LRRK1: variants seen among roughly 807,000 people sequenced by gnomAD.
The protein encoded by LRRK1 is leucine-rich repeat serine/threonine-protein kinase 1.
A neutral mutation model predicts 209.1 loss-of-function variants in LRRK1; 113 were observed. That is an observed-to-expected ratio of 0.54 (90% CI 0.46 to 0.63). The LOEUF (loss-of-function observed/expected upper bound fraction) is 0.63, where lower values mean the gene tolerates loss of function less well. Ranked by LOEUF, LRRK1 falls within the 30% of genes least tolerant of loss-of-function variation. The pLI, the probability that LRRK1 is intolerant of heterozygous loss-of-function variation, is 0.00. For missense variants in LRRK1, 2,284 were observed against 2,632.2 expected (o/e 0.87, Z 2.89); for synonymous variants, 1,144 against 1,099.7 (o/e 1.04, Z -0.80).
At chr15:100,934,970 G>C (rs1347078651) in intron 2 of LRRK1, among the ~76,000 whole-genome samples, 1 of 152,112 alleles carries the variant, frequency 6.6e-6, no homozygotes, top group Non-Finnish European at 1.5e-5. Context: ...CCAGAAGGAG[G>C]CAGCCACAGG....
chr15:101,020,275 G>A (rs2033715844), intron 12 of LRRK1, among the ~76,000 whole-genome samples: 1 of 151,660 alleles, frequency 6.6e-6, no homozygotes, highest in South Asian at 2.1e-4. Flanking sequence ...TGGTGTGTGT[G>A]CATATAACAT....
At chr15:101,064,767 G>A (rs1261158318) in intron 31 of LRRK1, 5 of 154,656 alleles carry the variant, frequency 3.2e-5, no homozygotes, top group African/African-American at 1.2e-4. Context: ...GAGCCAGGTG[G>A]AGTCACAGGG....
intron 12 of LRRK1, among the ~76,000 whole-genome samples, chr15:101,018,090 A>G (rs1396421727): frequency 6.6e-6 from 1 of 152,146 alleles, no homozygotes; most frequent in Non-Finnish European, 1.5e-5. Flanking sequence ...TAATGCAAAC[A>G]GACTAAGAAG....
At chr15:101,052,086 C>G (rs1308840354) in intron 24 of LRRK1, 126 bp downstream of exon 24, 1 of 1,088,274 alleles carries the variant, frequency 9.2e-7, no homozygotes, top group African/African-American at 1.6e-5. Context: ...CATGGCTTCC[C>G]ACCAATCTCA....
At chr15:100,996,625 T>C (rs573972958) in intron 6 of LRRK1, among the ~76,000 whole-genome samples, 261 of 152,336 alleles carry the variant, frequency 1.7e-3, no homozygotes, top group Non-Finnish European at 3.0e-3. Context: ...CCCTGTGGAA[T>C]AGGAGACAAA....
At chr15:100,970,948 T>C (rs1414531894) in intron 2 of LRRK1, among the ~76,000 whole-genome samples, 1 of 152,252 alleles carries the variant, frequency 6.6e-6, no homozygotes, top group African/African-American at 2.4e-5. Flanking sequence ...CATAAACTAT[T>C]TTTTCAATTT....
intron 1 of LRRK1, among the ~76,000 whole-genome samples, chr15:100,923,967 G>A (rs529887020): frequency 6.6e-6 from 1 of 152,366 alleles, no homozygotes; most frequent in African/African-American, 2.4e-5. Context: ...TAAAGCTCAT[G>A]CTAACTTGAC....
rs114078035 is a variant in LRRK1 at position 101,023,269 on chromosome 15, G to A, written c.2067+672G>A. Among the ~76,000 whole-genome samples, 4 of 152,278 alleles carry A rather than the reference G, an allele frequency of 2.6e-5. No individual in the cohort carries two copies. In the South Asian group the frequency reaches 6.2e-4, roughly 24 times the overall value. On this transcript the variant is annotated intron_variant, in intron 15 of 33. Coordinates refer to ENST00000388948, the MANE Select transcript of LRRK1 (RefSeq NM_024652.6). ...TGCTTGAACCCGGGAGGTGGAGGTT[G>A]CAGTGAGCCGAGATCATGCCACTGC... is the stretch of plus-strand genomic sequence containing the variant.
chr15:101,002,521 G>GTGT (rs2032742738), intron 6 of LRRK1, among the ~76,000 whole-genome samples: 1 of 152,204 alleles, frequency 6.6e-6, no homozygotes. Flanking sequence ...AACCACTCCT[G>GTGT]TGTTGAATTG....
In LRRK1 at chr15:101,029,098, G is replaced by A; in HGVS notation, c.2829G>A (p.Val943=). The A allele has an allele frequency of 6.2e-7, 1 of 1,614,204 alleles. No homozygotes were observed. Among genetic ancestry groups the A allele is most frequent in the Admixed American group, 1.7e-5 (1 of 60,028 alleles). ...RIFNIKGSRS[V]AKNGVIRAED... ...TTAATATTAAGGGCTCTCGGTCAGTGGCCAAGAATGGGGTGATCAGAGCAG... is the reference window on the plus strand; with the variant it reads ...TTAATATTAAGGGCTCTCGGTCAGTAGCCAAGAATGGGGTGATCAGAGCAG... The change falls in exon 20 of 34, where the codon GTG becomes GTA. Residue 943 remains valine, a synonymous_variant. Coordinates refer to ENST00000388948, the MANE Select transcript of LRRK1 (RefSeq NM_024652.6).
At chr15:100,943,990 C>G (rs1286404817) in intron 2 of LRRK1, among the ~76,000 whole-genome samples, 1 of 152,050 alleles carries the variant, frequency 6.6e-6, no homozygotes, top group African/African-American at 2.4e-5. Context: ...GATCCCTTAT[C>G]TTAAATGTTC....
chr15:100,975,434 C>A (rs1248507509), intron 3 of LRRK1, among the ~76,000 whole-genome samples: 1 of 152,216 alleles, frequency 6.6e-6, no homozygotes, highest in East Asian at 1.9e-4. Flanking sequence ...GCAAAGAGCA[C>A]TCTGGCCCAT....
intron 23 of LRRK1, 39 bp from the exon 24 acceptor site, chr15:101,051,672 C>T: frequency 1.3e-6 from 2 of 1,599,418 alleles, no homozygotes; most frequent in Non-Finnish European, 8.5e-7. Context: ...TCCTGCACCA[C>T]CTTCTTGTGA....
At chr15:101,003,951 A>G (rs1457424207) in intron 6 of LRRK1, among the ~76,000 whole-genome samples, 1 of 152,174 alleles carries the variant, frequency 6.6e-6, no homozygotes, top group African/African-American at 2.4e-5. Context: ...CACATGGGCC[A>G]GTCAGTTACC....
intron 6 of LRRK1, among the ~76,000 whole-genome samples, chr15:101,001,295 C>G (rs952208555): frequency 6.6e-6 from 1 of 152,042 alleles, no homozygotes; most frequent in Non-Finnish European, 1.5e-5. Flanking sequence ...TTGTGGGCGT[C>G]GGTGCACAGA....
At position 100,943,822 on chromosome 15, in the gene LRRK1, C is replaced by T. The variant is rs188941245; in HGVS notation, c.97+19093C>T. Among the ~76,000 whole-genome samples the T allele has an allele frequency of 2.4e-3, 360 of 151,850 alleles. 3 individuals are homozygous for T. Among genetic ancestry groups the T allele is most frequent in the Admixed American group, 4.3e-3 (66 of 15,228 alleles). On this transcript the variant is annotated intron_variant, in intron 2 of 33. Transcript: ENST00000388948. ...CCTCCCAAGCAGCTGGGATTACAGG[C>T]GCCCACCAGTATGCCCAGCTAATTT...
intron 27 of LRRK1, among the ~76,000 whole-genome samples, 160 bp from the exon 28 acceptor site, chr15:101,056,696 T>C (rs969276451): frequency 3.3e-5 from 5 of 152,134 alleles, no homozygotes; most frequent in African/African-American, 1.2e-4. Context: ...AGTGGTCAGA[T>C]AGGTGGATGG....
chr15:100,956,622 G>A (rs1005931261), intron 2 of LRRK1, among the ~76,000 whole-genome samples: 1 of 151,404 alleles, frequency 6.6e-6, no homozygotes, highest in African/African-American at 2.4e-5. Flanking sequence ...CCACAACCAC[G>A]CCTGGCTAAT....
chr15:101,030,605 G>A (rs2034238830), intron 20 of LRRK1, among the ~76,000 whole-genome samples: 1 of 152,010 alleles, frequency 6.6e-6, no homozygotes, highest in African/African-American at 2.4e-5. Flanking sequence ...CTCAGGGAGT[G>A]GCACTCTAGG....
Sources: gnomAD v4.1 joint callset for allele counts (sites outside exome capture counted in the v4.1 genomes callset) on GRCh38, gnomAD v4.1.1 for gene constraint, MANE v1.5 for transcripts, NCBI Gene and HGNC (gene_info 2026-07-23, HGNC 2026-07-21) for gene names.